COX5B: variants seen among roughly 807,000 people sequenced by gnomAD.
The protein encoded by COX5B is cytochrome c oxidase subunit 5B, mitochondrial.
Under a neutral mutation model 16.2 loss-of-function variants are expected in COX5B, and 8 were observed. The observed-to-expected ratio is 0.49, with a 90% CI of 0.29 to 0.89. The LOEUF (loss-of-function observed/expected upper bound fraction) is 0.89, where lower values mean the gene tolerates loss of function less well. COX5B is among the 40% of genes least tolerant of loss of function. COX5B has a pLI of 0.08. For missense variants in COX5B, 161 were observed against 168.7 expected (o/e 0.95, Z 0.25); for synonymous variants, 65 against 67.6 (o/e 0.96, Z 0.19).
chr2:97,647,087 G>T lies in COX5B; in HGVS notation c.124G>T (p.Glu42Ter). 1.2e-6 allele frequency: 2 copies of T among 1,614,164 alleles called. No homozygotes were observed. Among genetic ancestry groups the T allele is most frequent in the Non-Finnish European group, 1.7e-6 (2 of 1,180,010 alleles). Residue 42 changes from glutamate to a stop codon, truncating the protein, a stop_gained, in exon 2 of 4, where the codon GAG becomes TAG. Transcript: ENST00000258424. LOFTEE classifies it high-confidence loss of function. Reference sequence around the variant, plus strand: ...TTTAGGTGGTGTTCCCACTGATGAAGAGCAGGCGACTGGGTTGGAGAGGGA... The same window carrying T: ...TTTAGGTGGTGTTCCCACTGATGAATAGCAGGCGACTGGGTTGGAGAGGGA... ...ASGGGVPTDE[E>*]QATGLEREIM...
rs939751076 is a variant in COX5B, at chr2:97,647,883, G to T, written c.278-113G>T. ...AGGAGGGCTTGAACTGATCTCTTAA[G>T]ATATCAACCATAGTCTTACTTGTGT... On this transcript the variant is annotated intron_variant, in intron 3 of 3. Coordinates refer to ENST00000258424, the MANE Select transcript of COX5B (RefSeq NM_001862.3). 4.4e-6 allele frequency: 4 copies of T among 917,870 alleles called. No individual in the cohort carries two copies. In the African/African-American group the frequency reaches 6.7e-5, roughly 15 times the overall value. The allele number at this position is 917,870 out of a possible 1,614,324, so 56.9% of individuals were successfully genotyped here.
At position 97,647,053 on chromosome 2, in the gene COX5B, T is replaced by A; in HGVS notation, c.104-14T>A. On this transcript the variant is annotated splice_polypyrimidine_tract_variant and intron_variant, in intron 1 of 3. Coordinates refer to ENST00000258424, the MANE Select transcript of COX5B (RefSeq NM_001862.3). Reference sequence around the variant, plus strand: ...ATTTCAGTCAGCGTCATAATTCACGTTATCTTCCTTTAGGTGGTGTTCCCA... The same window carrying A: ...ATTTCAGTCAGCGTCATAATTCACGATATCTTCCTTTAGGTGGTGTTCCCA... 6.2e-7 allele frequency: 1 copy of A among 1,613,508 alleles called. No homozygotes were observed. The highest frequency in any genetic ancestry group is 1.3e-5 in the African/African-American group (1 of 75,022).
At chr2:97,647,512 A>G (rs935442920) in intron 3 of COX5B, 69 bp downstream of exon 3, 1 of 1,333,004 alleles carries the variant, frequency 7.5e-7, no homozygotes, top group Non-Finnish European at 1.1e-6. Context: ...AAGCTGCCTC[A>G]AATCTTCAGT....
chr2:97,647,752 G>A (rs370029521), intron 3 of COX5B, among the ~76,000 whole-genome samples: 3 of 152,140 alleles, frequency 2.0e-5, no homozygotes, highest in African/African-American at 4.8e-5. Flanking sequence ...CCTGCTTTGC[G>A]TTCTACATAG....
At chr2:97,647,298 A>G (rs1192414963) in intron 2 of COX5B, 46 bp from the exon 3 acceptor site, 1 of 1,585,816 alleles carries the variant, frequency 6.3e-7, no homozygotes. Context: ...CTAATGGTTC[A>G]ATTCTTGTTT....
chr2:97,647,931 A>T, intron 3 of COX5B, 65 bp from the exon 4 acceptor site: 1 of 1,409,248 alleles, frequency 7.1e-7, no homozygotes, highest in Non-Finnish European at 1.0e-6. Flanking sequence ...TGAGGAAAAG[A>T]AATTCATGTT....
intron 2 of COX5B, 94 bp from the exon 3 acceptor site, chr2:97,647,247 GAAC>G: frequency 6.6e-7 from 1 of 1,520,968 alleles, no homozygotes; most frequent in Non-Finnish European, 9.1e-7. Flanking sequence ...TGGCTTGTAG[GAAC>G]AGTCCCCTGA....
intron 2 of COX5B, 67 bp from the exon 3 acceptor site, chr2:97,647,277 G>T (rs1674675029): frequency 6.5e-7 from 1 of 1,543,302 alleles, no homozygotes; most frequent in African/African-American, 1.4e-5. Context: ...GGAAGGTAGG[G>T]CTTATTTGGC....
At chr2:97,646,879 T>C (rs529792064) in intron 1 of COX5B, 188 bp from the exon 2 acceptor site, 28 of 538,554 alleles carry the variant, frequency 5.2e-5, no homozygotes, top group African/African-American at 3.8e-4. Context: ...CCCCGAGTGC[T>C]GCCGCTTGTG....
rs201514478 is a variant in COX5B at position 97,647,305 on chromosome 2, G to GT, written c.178-31dup. On this transcript the variant is annotated intron_variant, in intron 2 of 3. Coordinates refer to ENST00000258424, the MANE Select transcript of COX5B (RefSeq NM_001862.3). ...TATTTGGCCTAATGGTTCAATTCTTGTTTTTTTTGTTTTGTTTTGTTTTTT... is the reference window on the plus strand; with the variant it reads ...TATTTGGCCTAATGGTTCAATTCTTGTTTTTTTTTGTTTTGTTTTGTTTTTT... The GT allele has an allele frequency of 3.7e-3, 5,825 of 1,586,370 alleles. 162 individuals carry two copies. In the African/African-American group the frequency reaches 0.068, roughly 19 times the overall value.
Position 97,646,113 on chromosome 2 carries a change from T to G in COX5B, c.27T>G (p.Ala9=). ...TGGCTTCAAGGTTACTTCGCGGAGC[T>G]GGAACGCTGGCCGCGCAGGCCCTGA... MASRLLRG[A]GTLAAQALRA... Residue 9 remains alanine, a synonymous_variant, in exon 1 of 4, where the codon GCT becomes GCG. Coordinates refer to ENST00000258424, the MANE Select transcript of COX5B (RefSeq NM_001862.3). 1 of 1,556,858 alleles carries G rather than the reference T, an allele frequency of 6.4e-7. No homozygotes were observed. Among genetic ancestry groups the G allele is most frequent in the Non-Finnish European group, 8.7e-7 (1 of 1,150,022 alleles).
In COX5B at chr2:97,647,052, G is replaced by T. The variant is rs1164156473; in HGVS notation, c.104-15G>T. 6.2e-7 allele frequency: 1 copy of T among 1,613,142 alleles called. No individual in the cohort carries two copies. The highest frequency in any genetic ancestry group is 8.5e-7 in the Non-Finnish European group (1 of 1,179,210). ...CATTTCAGTCAGCGTCATAATTCAC[G>T]TTATCTTCCTTTAGGTGGTGTTCCC... On this transcript the variant is annotated splice_polypyrimidine_tract_variant and intron_variant, in intron 1 of 3. Coordinates refer to ENST00000258424, the MANE Select transcript of COX5B (RefSeq NM_001862.3).
intron 2 of COX5B, 53 bp from the exon 3 acceptor site, chr2:97,647,291 A>G: frequency 6.3e-7 from 1 of 1,575,502 alleles, no homozygotes; most frequent in Non-Finnish European, 8.7e-7. Context: ...ATTTGGCCTA[A>G]TGGTTCAATT....
Position 97,647,305 on chromosome 2 carries a change from G to GTT in COX5B, c.178-32_178-31dup, listed in dbSNP as rs201514478. On this transcript the variant is annotated intron_variant, in intron 2 of 3. Transcript: ENST00000258424. ...TATTTGGCCTAATGGTTCAATTCTTGTTTTTTTTGTTTTGTTTTGTTTTTT... is the reference window on the plus strand; with the variant it reads ...TATTTGGCCTAATGGTTCAATTCTTGTTTTTTTTTTGTTTTGTTTTGTTTTTT... 4 of 1,586,566 alleles carry GTT rather than the reference G, an allele frequency of 2.5e-6. No individual in the cohort carries two copies. The African/African-American group carries it at 4.1e-5, about 16-fold the overall frequency.
At chr2:97,646,918 A>C in intron 1 of COX5B, 149 bp from the exon 2 acceptor site, 1 of 679,862 alleles carries the variant, frequency 1.5e-6, no homozygotes, top group Non-Finnish European at 2.5e-6. Flanking sequence ...TTCTTAGGGG[A>C]CCATGGATAT....
At chr2:97,646,739 T>C in intron 1 of COX5B, 1 of 258,340 alleles carries the variant, frequency 3.9e-6, no homozygotes, top group Non-Finnish European at 7.7e-6. Context: ...TCCCAGCTAC[T>C]CGGGAGGCTG....
intron 1 of COX5B, chr2:97,646,572 G>A: frequency 4.7e-6 from 1 of 212,484 alleles, no homozygotes; most frequent in Non-Finnish European, 9.6e-6. Flanking sequence ...CATAGGCCGG[G>A]CGCGGTGGCT....
At position 97,646,875 on chromosome 2, in the gene COX5B, G is replaced by C. The variant is rs561856659; in HGVS notation, c.104-192G>C. 9.5e-6 allele frequency: 5 copies of C among 527,498 alleles called. No individual in the cohort carries two copies. The Admixed American group carries it at 1.3e-4, about 13-fold the overall frequency. The allele number at this position is 527,498 out of a possible 1,614,324, so 32.7% of individuals were successfully genotyped here. ...AAAAAGAAAAAAAAAGCTCCCCCGA[G>C]TGCTGCCGCTTGTGTGGATGGGTAC... On this transcript the variant is annotated intron_variant, in intron 1 of 3. Transcript: ENST00000258424.
intron 1 of COX5B, chr2:97,646,503 C>T: frequency 2.9e-6 from 1 of 344,664 alleles, no homozygotes; most frequent in Non-Finnish European, 5.3e-6. Context: ...AGAGTGGGTT[C>T]TACATGCTTT....
Sources: allele counts gnomAD v4.1 joint callset (sites outside exome capture counted in the v4.1 genomes callset), GRCh38; gene constraint gnomAD v4.1.1; transcripts MANE v1.5; gene names NCBI Gene and HGNC (gene_info 2026-07-23, HGNC 2026-07-21).